Variants in USO1 observed in about 807,000 individuals in gnomAD.
The protein encoded by USO1 is general vesicular transport factor p115.
In USO1, 57 loss-of-function variants were observed where a neutral mutation model predicts 124.5. The ratio of observed to expected loss-of-function variants is 0.46; its 90% CI spans 0.37 to 0.57. The LOEUF is 0.57. Ranked by LOEUF, USO1 falls within the 20% of genes least tolerant of loss-of-function variation. The pLI is 0.00. For synonymous variants in USO1, 369 were observed against 362.8 expected (o/e 1.02, Z -0.19); for missense variants, 900 against 1,040.6 (o/e 0.86, Z 1.86).
At chr4:75,787,847 T>TCCTG (rs1218985588) in intron 10 of USO1, among the ~76,000 whole-genome samples, 1 of 152,164 alleles carries the variant, frequency 6.6e-6, no homozygotes, top group East Asian at 1.9e-4. Context: ...TTGATACCAT[T>TCCTG]CCTGCTAAGC....
At chr4:75,741,356 G>A (rs982346736) in intron 1 of USO1, among the ~76,000 whole-genome samples, 19 of 152,080 alleles carry the variant, frequency 1.2e-4, no homozygotes, top group Non-Finnish European at 1.2e-4. Flanking sequence ...GAAGACCAAG[G>A]ACATTATGTA....
chr4:75,808,943 T>C lies in USO1; in HGVS notation c.2377-10T>C. On this transcript the variant is annotated splice_polypyrimidine_tract_variant and intron_variant, in intron 20 of 23. Coordinates refer to ENST00000514213, the MANE Select transcript of USO1 (RefSeq NM_003715.4). ...TTTAATGTTATGACTCAACTATTTT[T>C]GTCTCTTAGGAACTGGCAACTTTAA... 6.3e-7 allele frequency: 1 copy of C among 1,584,388 alleles called. No homozygotes were observed. Among genetic ancestry groups the C allele is most frequent in the Non-Finnish European group, 8.6e-7 (1 of 1,166,060 alleles).
intron 8 of USO1, among the ~76,000 whole-genome samples, chr4:75,775,323 T>C (rs910965785): frequency 6.6e-6 from 1 of 152,078 alleles, no homozygotes; most frequent in African/African-American, 2.4e-5. Context: ...TGGATCACTT[T>C]AGGCCAGGAG....
chr4:75,747,962 C>G (rs1302629802), intron 1 of USO1, among the ~76,000 whole-genome samples: 1 of 128,618 alleles, frequency 7.8e-6, no homozygotes, highest in African/African-American at 3.0e-5. Context: ...GGCTAGAGTG[C>G]AATGGTGCGA....
intron 13 of USO1, among the ~76,000 whole-genome samples, chr4:75,794,245 G>T (rs1183270116): frequency 3.9e-5 from 6 of 152,264 alleles, no homozygotes; most frequent in Non-Finnish European, 7.4e-5. Flanking sequence ...ATGGGAGGGA[G>T]TAAAGTAGTT....
chr4:75,792,018 GCTT>G (rs1177777047), intron 12 of USO1, among the ~76,000 whole-genome samples: 2 of 145,038 alleles, frequency 1.4e-5, no homozygotes, highest in Admixed American at 7.0e-5. Context: ...AATCTGAAAT[GCTT>G]CTTTTTTTTT....
chr4:75,771,182 T>A, intron 7 of USO1, 45 bp downstream of exon 7: 1 of 1,551,078 alleles, frequency 6.4e-7, no homozygotes, highest in African/African-American at 1.4e-5. Context: ...GTGGCTTTTT[T>A]TTCTCTTGCA....
intron 18 of USO1, among the ~76,000 whole-genome samples, chr4:75,804,604 G>T (rs1186651028): frequency 6.6e-6 from 1 of 152,118 alleles, no homozygotes; most frequent in Non-Finnish European, 1.5e-5. Context: ...ATAAATCTGG[G>T]ATTAGGTCCA....
chr4:75,724,853 A>T lies in USO1; in HGVS notation c.34A>T (p.Ser12Cys). The T allele has an allele frequency of 6.2e-7, 1 of 1,613,638 alleles. No individual in the cohort carries two copies. The highest frequency in any genetic ancestry group is 8.5e-7 in the Non-Finnish European group (1 of 1,179,736). The change falls in exon 1 of 24, where the codon AGT becomes TGT. Residue 12 changes from serine to cysteine, a missense_variant. Physicochemically the swap from Ser to Cys is moderately radical, Grantham distance 112. Coordinates refer to ENST00000514213, the MANE Select transcript of USO1 (RefSeq NM_003715.4). ...NFLRGVMGGQ[S>C]AGPQHTEAET... Reference sequence around the variant, plus strand: ...CCTCCGCGGGGTAATGGGGGGTCAGAGTGCCGGACCCCAGCACACAGAAGC... The same window carrying T: ...CCTCCGCGGGGTAATGGGGGGTCAGTGTGCCGGACCCCAGCACACAGAAGC...
At chr4:75,805,325 TTAAAA>T (rs1722963877) in intron 19 of USO1, 22 bp downstream of exon 19, 1 of 1,552,288 alleles carries the variant, frequency 6.4e-7, no homozygotes, top group Non-Finnish European at 8.7e-7. Flanking sequence ...GTTTAAGAAG[TTAAAA>T]TAAGAGTTCA....
intron 1 of USO1, among the ~76,000 whole-genome samples, chr4:75,726,516 T>C (rs990106997): frequency 4.0e-5 from 6 of 151,830 alleles, no homozygotes; most frequent in African/African-American, 1.5e-4. Flanking sequence ...GGAGGATCGC[T>C]TGAGCCCAGG....
At chr4:75,745,426 A>C in intron 1 of USO1, 1 of 502,532 alleles carries the variant, frequency 2.0e-6, no homozygotes, top group Non-Finnish European at 4.0e-6. Context: ...AAATTCTTGC[A>C]GTCCCTGTAG....
At position 75,805,402 on chromosome 4, in the gene USO1, A is replaced by G. The variant is rs896140322; in HGVS notation, c.2289+99A>G. 7.7e-6 allele frequency: 11 copies of G among 1,419,598 alleles called. No individual in the cohort carries two copies. The Admixed American group carries it at 1.5e-4, about 19-fold the overall frequency. 87.9% of individuals were successfully genotyped at this position (1,419,598 alleles called of 1,614,324 possible). A position where few individuals can be genotyped will look rare whatever the true frequency, so the allele number is the denominator to read the frequency against. ...CTTGGATCTCTTAAGCCAGAATATCATATGTTAAGATTTTACAGGATGGGC... is the reference window on the plus strand; with the variant it reads ...CTTGGATCTCTTAAGCCAGAATATCGTATGTTAAGATTTTACAGGATGGGC... On this transcript the variant is annotated intron_variant, in intron 19 of 23. Coordinates refer to ENST00000514213, the MANE Select transcript of USO1 (RefSeq NM_003715.4).
chr4:75,769,149 C>T (rs1426208316), intron 4 of USO1, among the ~76,000 whole-genome samples: 1 of 152,170 alleles, frequency 6.6e-6, no homozygotes, highest in Non-Finnish European at 1.5e-5. Flanking sequence ...AAGGTCTAAG[C>T]CACCTTCATG....
intron 1 of USO1, among the ~76,000 whole-genome samples, chr4:75,746,800 A>G (rs1282792119): frequency 6.6e-6 from 1 of 152,202 alleles, no homozygotes. Flanking sequence ...ATTTTGGGGT[A>G]TAGACATATT....
chr4:75,729,229 T>C (rs1304932678), intron 1 of USO1, among the ~76,000 whole-genome samples: 2 of 152,192 alleles, frequency 1.3e-5, no homozygotes, highest in Non-Finnish European at 2.9e-5. Flanking sequence ...CATGCTTTTG[T>C]TTTTTAGTTT....
intron 8 of USO1, among the ~76,000 whole-genome samples, chr4:75,781,486 G>A (rs1383492179): frequency 6.6e-6 from 1 of 152,162 alleles, no homozygotes; most frequent in East Asian, 1.9e-4. Context: ...GACTCAGGTG[G>A]TCATTAGCAT....
chr4:75,757,715 T>A, intron 4 of USO1, 142 bp downstream of exon 4: 1 of 749,078 alleles, frequency 1.3e-6, no homozygotes, highest in African/African-American at 1.8e-5. Flanking sequence ...AATAAACACA[T>A]AGGCTTAGAT....
At chr4:75,757,356 T>A (rs1274573749) in intron 3 of USO1, 141 bp from the exon 4 acceptor site, 2 of 666,154 alleles carry the variant, frequency 3.0e-6, no homozygotes, top group Non-Finnish European at 4.3e-6. Flanking sequence ...ACTACACATT[T>A]TTTACAGTTT....
Sources: gnomAD v4.1 joint callset for allele counts (sites outside exome capture counted in the v4.1 genomes callset) on GRCh38, gnomAD v4.1.1 for gene constraint, MANE v1.5 for transcripts, NCBI Gene and HGNC (gene_info 2026-07-23, HGNC 2026-07-21) for gene names.